Variants in MCM9 observed in about 807,000 individuals in gnomAD.
MCM9 encodes the protein DNA helicase MCM9.
In MCM9, 55 loss-of-function variants were observed where a neutral mutation model predicts 72.8. The ratio of observed to expected loss-of-function variants is 0.76; its 90% CI spans 0.61 to 0.95. The LOEUF (loss-of-function observed/expected upper bound fraction) is 0.95, where lower values mean the gene tolerates loss of function less well. Among genes scored for constraint, MCM9 ranks in the 40% least tolerant of loss-of-function variants. The probability of loss-of-function intolerance (pLI) is 0.00; values close to 1 mark genes in which losing one functional copy is unlikely to be tolerated. For missense variants in MCM9, 1,279 were observed against 1,377.0 expected, an observed-to-expected ratio of 0.93 and a Z score of 1.13; for synonymous variants, 480 against 503.4, an observed-to-expected ratio of 0.95 and a Z score of 0.62.
rs562783510 is a variant in MCM9, at chr6:118,932,327, A to C, written c.-16+280T>G. On this transcript the variant is annotated intron_variant, in intron 2 of 13. Transcript: ENST00000619706. ...CACAAGGACAAAATCACCTAATGAC[A>C]AATTTCTCAGACTGTATCCCCATCA... Among the ~76,000 whole-genome samples the C allele has an allele frequency of 2.0e-5, 3 of 152,340 alleles. No individual in the cohort carries two copies. The South Asian group carries it at 6.2e-4, about 32-fold the overall frequency.
chr6:118,828,248 T>A, intron 10 of MCM9, 118 bp from the exon 11 acceptor site: 1 of 808,820 alleles, frequency 1.2e-6, no homozygotes, highest in Non-Finnish European at 1.9e-6. Context: ...GTTTTGTGGT[T>A]ATTGAAATCT....
intron 9 of MCM9, among the ~76,000 whole-genome samples, chr6:118,855,439 A>G (rs1191396690): frequency 3.3e-5 from 5 of 152,270 alleles, no homozygotes; most frequent in South Asian, 2.1e-4. Context: ...ATGAGTATAT[A>G]TATTTAGTGA....
intron 6 of MCM9, among the ~76,000 whole-genome samples, chr6:118,915,026 T>G (rs1197688151): frequency 6.6e-6 from 1 of 152,226 alleles, no homozygotes; most frequent in East Asian, 1.9e-4. Flanking sequence ...GGGAACTACT[T>G]AACTGTAACT....
chr6:118,896,022 T>G (rs909068204), intron 8 of MCM9, among the ~76,000 whole-genome samples: 1 of 150,510 alleles, frequency 6.6e-6, no homozygotes, highest in African/African-American at 2.5e-5. Context: ...TCACAATTAT[T>G]ACTTTAACAT....
chr6:118,819,161 C>T lies in MCM9; in HGVS notation c.1962-2867G>A, dbSNP rs979412240. On this transcript the variant is annotated intron_variant, in intron 13 of 13. Transcript: ENST00000619706. ...GCCAGAACTTCCAATACTATGTTGA[C>T]TAGGAGTGGTGAGAGAGGGCATCCT... 2.0e-5 allele frequency among the ~76,000 whole-genome samples: 3 copies of T among 152,144 alleles called. No homozygotes were observed. The South Asian group carries it at 6.2e-4, about 32-fold the overall frequency.
At chr6:118,821,207 T>C (rs1406742661) in intron 13 of MCM9, among the ~76,000 whole-genome samples, 1 of 152,226 alleles carries the variant, frequency 6.6e-6, no homozygotes. Flanking sequence ...TGATGCAGTT[T>C]CTTCATAGCA....
intron 8 of MCM9, among the ~76,000 whole-genome samples, chr6:118,858,534 ATAAT>A (rs1371931181): frequency 6.6e-6 from 1 of 152,180 alleles, no homozygotes; most frequent in Admixed American, 6.5e-5. Flanking sequence ...AGGAAAAGAA[ATAAT>A]TAACATACAG....
chr6:118,877,915 C>T (rs896140885), intron 8 of MCM9, among the ~76,000 whole-genome samples: 5 of 152,138 alleles, frequency 3.3e-5, no homozygotes, highest in African/African-American at 1.2e-4. Context: ...GTAATCTCAA[C>T]ACTTTAGGAG....
intron 8 of MCM9, among the ~76,000 whole-genome samples, chr6:118,869,060 T>C (rs996235787): frequency 2.6e-5 from 4 of 152,188 alleles, no homozygotes; most frequent in African/African-American, 9.7e-5. Flanking sequence ...GTGGCACATA[T>C]ACACCATGGA....
In MCM9 at chr6:118,850,643, A is replaced by G. The variant is rs184809055; in HGVS notation, c.1325+5728T>C. Among the ~76,000 whole-genome samples, 48 of 151,844 alleles carry G rather than the reference A, an allele frequency of 3.2e-4. No homozygotes were observed. The Middle Eastern group carries it at 0.01, about 32-fold the overall frequency. ...AAATGAAGGGATATTCACTGTTGTT[A>G]TTGTTGGTATTTGTTGTCCTGAGTG... On this transcript the variant is annotated intron_variant, in intron 9 of 13. Transcript: ENST00000619706.
chr6:118,839,242 T>G (rs1213282039), intron 9 of MCM9, among the ~76,000 whole-genome samples: 2 of 151,962 alleles, frequency 1.3e-5, no homozygotes, highest in Non-Finnish European at 2.9e-5. Context: ...GTATGCTTCA[T>G]GAAGTTCTTA....
intron 7 of MCM9, 103 bp downstream of exon 7, chr6:118,913,192 A>T (rs1169987615): frequency 7.5e-7 from 1 of 1,330,820 alleles, no homozygotes; most frequent in African/African-American, 1.5e-5. Flanking sequence ...TAAGATTACA[A>T]TTGGAAAATA....
chr6:118,904,793 TA>T (rs774286053), intron 8 of MCM9, among the ~76,000 whole-genome samples: 1 of 152,250 alleles, frequency 6.6e-6, no homozygotes, highest in Non-Finnish European at 1.5e-5. Flanking sequence ...GGATTATTAA[TA>T]TTTTTTGAAA....
At chr6:118,928,904 G>A (rs1023273185) in intron 3 of MCM9, among the ~76,000 whole-genome samples, 2 of 151,348 alleles carry the variant, frequency 1.3e-5, no homozygotes, top group African/African-American at 4.9e-5. Context: ...AATATTACTC[G>A]GCATACAGCA....
At position 118,814,706 on chromosome 6, in the gene MCM9, T is replaced by G. The variant is rs1773296728; in HGVS notation, c.*118A>C. 1 of 1,003,868 alleles carries G rather than the reference T, an allele frequency of 1.0e-6. No homozygotes were observed. The highest frequency in any genetic ancestry group is 2.0e-5 in the South Asian group (1 of 50,648). The allele number at this position is 1,003,868 out of a possible 1,614,324, so 62.2% of individuals were successfully genotyped here. ...AGAAAGCCTTAAGGGGGAGCCAGTA[T>G]TCAGAGTGATCCTCAATATGGCCAA... On this transcript the variant is annotated 3_prime_UTR_variant, in exon 14 of 14. Transcript: ENST00000619706.
At chr6:118,933,290 G>C (rs779089158) in intron 1 of MCM9, among the ~76,000 whole-genome samples, 1 of 152,104 alleles carries the variant, frequency 6.6e-6, no homozygotes, top group African/African-American at 2.4e-5. Context: ...ACGAGGTCAG[G>C]AGATCGAGAC....
chr6:118,840,165 T>C (rs1021449928), intron 9 of MCM9, among the ~76,000 whole-genome samples: 3 of 78,028 alleles, frequency 3.8e-5, no homozygotes, highest in Non-Finnish European at 8.3e-5. Context: ...TAGATTTTTA[T>C]GTTATTTTTT....
At chr6:118,926,257 C>T (rs985201884) in intron 3 of MCM9, among the ~76,000 whole-genome samples, 7 of 152,196 alleles carry the variant, frequency 4.6e-5, no homozygotes, top group Admixed American at 2.6e-4. Context: ...GCATTTAGTA[C>T]ACCTAACCCA....
intron 9 of MCM9, among the ~76,000 whole-genome samples, chr6:118,846,900 C>T (rs1042819836): frequency 6.6e-6 from 1 of 151,624 alleles, no homozygotes. Flanking sequence ...AAAACTACTA[C>T]AAGAATAAAA....
Sources: gnomAD v4.1 joint callset for allele counts (sites outside exome capture counted in the v4.1 genomes callset) on GRCh38, gnomAD v4.1.1 for gene constraint, MANE v1.5 for transcripts, NCBI Gene and HGNC (gene_info 2026-07-23, HGNC 2026-07-21) for gene names.